The following CNOT6L variants were observed in gnomAD, a reference collection of about 807,000 sequenced individuals.
The protein encoded by CNOT6L is CCR4-NOT transcription complex subunit 6 like.
A neutral mutation model predicts 64.0 loss-of-function variants in CNOT6L; 7 were observed. The observed-to-expected ratio is 0.11, with a 90% CI of 0.06 to 0.21. The LOEUF is 0.21. CNOT6L is among the 10% of genes least tolerant of loss of function. The pLI is 1.00. For missense variants in CNOT6L, 245 were observed against 669.0 expected, an observed-to-expected ratio of 0.37 and a Z score of 6.99; for synonymous variants, 193 against 243.4, an observed-to-expected ratio of 0.79 and a Z score of 1.93.
chr4:77,724,889 A>G (rs1052135983), intron 11 of CNOT6L, among the ~76,000 whole-genome samples: 1 of 152,274 alleles, frequency 6.6e-6, no homozygotes, highest in East Asian at 1.9e-4. Context: ...GATGTGCTAG[A>G]GTCAGCTAGT....
chr4:77,782,253 CTG>C (rs1220403939), intron 1 of CNOT6L, among the ~76,000 whole-genome samples: 4 of 152,152 alleles, frequency 2.6e-5, no homozygotes, highest in Non-Finnish European at 4.4e-5. Flanking sequence ...GAAAATGTGT[CTG>C]TGTTTATCTT....
chr4:77,759,081 G>T (rs999910416), intron 4 of CNOT6L, among the ~76,000 whole-genome samples: 2 of 151,956 alleles, frequency 1.3e-5, no homozygotes, highest in Admixed American at 1.3e-4. Context: ...TAGCCAGAAA[G>T]AGAGATTAGA....
At chr4:77,754,829 CAG>C (rs551761338) in intron 5 of CNOT6L, among the ~76,000 whole-genome samples, 88 of 104,206 alleles carry the variant, frequency 8.4e-4, no homozygotes, top group Non-Finnish European at 1.5e-3. Context: ...ATAAATGGCT[CAG>C]AGTCAATATA....
chr4:77,753,261 T>C (rs1397878213), intron 5 of CNOT6L, among the ~76,000 whole-genome samples: 1 of 122,542 alleles, frequency 8.2e-6, no homozygotes, highest in African/African-American at 3.0e-5. Flanking sequence ...CAACAGAAAA[T>C]AAGGAAATAC....
intron 5 of CNOT6L, among the ~76,000 whole-genome samples, chr4:77,752,792 G>C (rs1724994584): frequency 1.3e-5 from 2 of 151,590 alleles, no homozygotes; most frequent in Admixed American, 1.3e-4. Context: ...TGGAAATTAA[G>C]GCATGTTCAC....
chr4:77,793,224 G>A (rs912353874), intron 1 of CNOT6L, among the ~76,000 whole-genome samples: 4 of 152,128 alleles, frequency 2.6e-5, no homozygotes, highest in African/African-American at 9.7e-5. Context: ...TTCTTCGTAA[G>A]AGATGATGAT....
At chr4:77,797,936 G>A (rs990710377) in intron 1 of CNOT6L, among the ~76,000 whole-genome samples, 18 of 152,076 alleles carry the variant, frequency 1.2e-4, no homozygotes, top group East Asian at 9.7e-4. Context: ...TATGAGTTTC[G>A]CAAGGATATC....
intron 1 of CNOT6L, among the ~76,000 whole-genome samples, chr4:77,776,619 C>T (rs1728169897): frequency 6.6e-6 from 1 of 152,168 alleles, no homozygotes; most frequent in African/African-American, 2.4e-5. Flanking sequence ...AAATAAGCAA[C>T]AGCACTGGAC....
chr4:77,750,527 G>T (rs1724744030), intron 5 of CNOT6L, among the ~76,000 whole-genome samples: 1 of 151,766 alleles, frequency 6.6e-6, no homozygotes, highest in Non-Finnish European at 1.5e-5. Context: ...AATTTTTTTT[G>T]TATTTTCAGT....
intron 8 of CNOT6L, among the ~76,000 whole-genome samples, chr4:77,741,566 A>G (rs977767132): frequency 2.6e-5 from 4 of 152,060 alleles, no homozygotes; most frequent in African/African-American, 7.2e-5. Flanking sequence ...GCAGACCTCT[A>G]TCTTATATTA....
chr4:77,789,488 G>C (rs1729853876), intron 1 of CNOT6L, among the ~76,000 whole-genome samples: 1 of 151,966 alleles, frequency 6.6e-6, no homozygotes, highest in African/African-American at 2.4e-5. Context: ...ACCACCCTGG[G>C]CAACATGGCA....
At chr4:77,730,412 A>G (rs572394547) in intron 9 of CNOT6L, among the ~76,000 whole-genome samples, 1 of 152,212 alleles carries the variant, frequency 6.6e-6, no homozygotes, top group South Asian at 2.1e-4. Flanking sequence ...TTCCCCTTCT[A>G]TGAGTACAAG....
intron 10 of CNOT6L, among the ~76,000 whole-genome samples, chr4:77,727,550 A>C: frequency 7.8e-6 from 1 of 127,704 alleles, no homozygotes; most frequent in African/African-American, 2.9e-5. Flanking sequence ...CAACAAGAGC[A>C]CAACTCTGTC....
At position 77,800,495 on chromosome 4, in the gene CNOT6L, A is replaced by G. The variant is rs1012013796; in HGVS notation, c.5+18809T>C. ...CTGCACTCCAGCCTGTGAGCGACAAAGCAAGACCCTGTCTCTTAAAAAAAA... is the reference window on the plus strand; with the variant it reads ...CTGCACTCCAGCCTGTGAGCGACAAGGCAAGACCCTGTCTCTTAAAAAAAA... On this transcript the variant is annotated intron_variant, in intron 1 of 11. Coordinates refer to ENST00000504123, the MANE Select transcript of CNOT6L (RefSeq NM_144571.3). 2.0e-5 allele frequency among the ~76,000 whole-genome samples: 3 copies of G among 152,096 alleles called. No homozygotes were observed. The East Asian group carries it at 5.8e-4, about 29-fold the overall frequency.
intron 5 of CNOT6L, among the ~76,000 whole-genome samples, chr4:77,753,460 C>A (rs1055495120): frequency 6.6e-6 from 1 of 152,046 alleles, no homozygotes; most frequent in Non-Finnish European, 1.5e-5. Context: ...TGCTTGAGGT[C>A]AGGAGTTCGA....
chr4:77,744,503 A>G (rs1160787214), intron 7 of CNOT6L, among the ~76,000 whole-genome samples: 1 of 152,256 alleles, frequency 6.6e-6, no homozygotes, highest in African/African-American at 2.4e-5. Context: ...AACAGTAAAT[A>G]AATATAAGTA....
At chr4:77,744,606 A>G in intron 7 of CNOT6L, 112 bp downstream of exon 7, 3 of 877,080 alleles carry the variant, frequency 3.4e-6, no homozygotes, top group Non-Finnish European at 4.9e-6. Flanking sequence ...GAGAGAAAAC[A>G]ATTCTTTTTG....
intron 1 of CNOT6L, among the ~76,000 whole-genome samples, chr4:77,794,003 T>C (rs1250769252): frequency 1.3e-5 from 2 of 151,192 alleles, no homozygotes; most frequent in African/African-American, 2.4e-5. Context: ...ATACAAAAAA[T>C]TAGCCGGGCA....
At chr4:77,789,209 C>G (rs1729802119) in intron 1 of CNOT6L, among the ~76,000 whole-genome samples, 1 of 152,010 alleles carries the variant, frequency 6.6e-6, no homozygotes, top group Admixed American at 6.5e-5. Context: ...TAGTCAAACC[C>G]AAAGTGATAG....
Sources: gnomAD v4.1 joint callset for allele counts (sites outside exome capture counted in the v4.1 genomes callset) on GRCh38, gnomAD v4.1.1 for gene constraint, MANE v1.5 for transcripts, NCBI Gene and HGNC (gene_info 2026-07-23, HGNC 2026-07-21) for gene names.